The following DAP variants were observed in gnomAD, a reference collection of about 807,000 sequenced individuals.
DAP encodes death-associated protein 1.
DAP carries 8 observed loss-of-function variants against 13.8 expected under a neutral mutation model. The ratio of observed to expected loss-of-function variants is 0.58; its 90% CI spans 0.34 to 1.05. The LOEUF (loss-of-function observed/expected upper bound fraction) is 1.05, where lower values mean the gene tolerates loss of function less well. Among genes scored for constraint, DAP ranks in the 50% least tolerant of loss-of-function variants. The pLI, the probability that DAP is intolerant of heterozygous loss-of-function variation, is 0.03. For missense variants in DAP, 106 were observed against 133.2 expected (o/e 0.80, Z 1.01); for synonymous variants, 47 against 47.5 (o/e 0.99, Z 0.04).
chr5:10,736,762 G>C (rs1050456922), intron 2 of DAP, among the ~76,000 whole-genome samples: 1 of 152,220 alleles, frequency 6.6e-6, no homozygotes, highest in African/African-American at 2.4e-5. Context: ...TCCCAGGGCA[G>C]ATGGGCTATT....
chr5:10,730,039 G>A (rs890548389), intron 2 of DAP, among the ~76,000 whole-genome samples: 7 of 152,220 alleles, frequency 4.6e-5, no homozygotes, highest in Non-Finnish European at 8.8e-5. Flanking sequence ...CTCACAGGCG[G>A]TTTTCTCAGG....
At chr5:10,724,254 T>C (rs1261585820) in intron 2 of DAP, among the ~76,000 whole-genome samples, 3 of 152,250 alleles carry the variant, frequency 2.0e-5, no homozygotes, top group Non-Finnish European at 4.4e-5. Flanking sequence ...TGGAAGGTTC[T>C]TGAGGACTAA....
Position 10,761,184 on chromosome 5 carries a change from G to C in DAP, c.-116C>G, listed in dbSNP as rs1390874628. 4.2e-6 allele frequency: 2 copies of C among 476,200 alleles called. No individual in the cohort carries two copies. The highest frequency in any genetic ancestry group is 4.2e-5 in the African/African-American group (2 of 47,306). The allele number at this position is 476,200 out of a possible 1,614,324, so 29.5% of individuals were successfully genotyped here. A position where few individuals can be genotyped will look rare whatever the true frequency, so the allele number is the denominator to read the frequency against. Reference sequence around the variant, plus strand: ...GAGCGAGCGGGCGGGAGAACGACGCGCGCGCGTGGGGCGCCGGGGCCGCGC... The same window carrying C: ...GAGCGAGCGGGCGGGAGAACGACGCCCGCGCGTGGGGCGCCGGGGCCGCGC... On this transcript the variant is annotated 5_prime_UTR_variant, in exon 1 of 4. Coordinates refer to ENST00000230895, the MANE Select transcript of DAP (RefSeq NM_004394.3).
At chr5:10,683,427 C>T in intron 3 of DAP, 102 bp downstream of exon 3, 1 of 1,114,092 alleles carries the variant, frequency 9.0e-7, no homozygotes. Context: ...AGCAGTGGTG[C>T]TGGGTTATTC....
rs1436399552 is a variant in DAP, at chr5:10,715,036, C to T, written c.153-31465G>A. Among the ~76,000 whole-genome samples the T allele has an allele frequency of 2.0e-5, 3 of 152,148 alleles. No homozygotes were observed. In the East Asian group the frequency reaches 5.8e-4, roughly 29 times the overall value. The stretch of plus-strand genomic sequence containing the variant: ...TGCACTGCTATAGGGCAAAAATGGA[C>T]TAACACATACGAATATACAGATATG... On this transcript the variant is annotated intron_variant, in intron 2 of 3. Coordinates refer to ENST00000230895, the MANE Select transcript of DAP (RefSeq NM_004394.3).
At chr5:10,715,018 C>G (rs1048443343) in intron 2 of DAP, among the ~76,000 whole-genome samples, 1 of 152,092 alleles carries the variant, frequency 6.6e-6, no homozygotes, top group African/African-American at 2.4e-5. Flanking sequence ...ATTTGCACTG[C>G]TATAGGGCAA....
chr5:10,703,772 T>C (rs969147674), intron 2 of DAP, among the ~76,000 whole-genome samples: 2 of 152,158 alleles, frequency 1.3e-5, no homozygotes, highest in African/African-American at 2.4e-5. Flanking sequence ...GCAGCCTGGG[T>C]GTGGGGGGCA....
intron 1 of DAP, among the ~76,000 whole-genome samples, chr5:10,749,105 T>C (rs1227038947): frequency 1.3e-5 from 2 of 152,236 alleles, no homozygotes; most frequent in Admixed American, 1.3e-4. Context: ...GCACTTAGCG[T>C]GTTTTCAAGG....
chr5:10,727,354 C>A (rs1739314842), intron 2 of DAP, among the ~76,000 whole-genome samples: 1 of 152,152 alleles, frequency 6.6e-6, no homozygotes, highest in South Asian at 2.1e-4. Context: ...GCACAGGGGT[C>A]AGCACACCCT....
chr5:10,703,665 C>T (rs1262725433), intron 2 of DAP, among the ~76,000 whole-genome samples: 2 of 152,212 alleles, frequency 1.3e-5, no homozygotes, highest in Non-Finnish European at 2.9e-5. Flanking sequence ...TAATTCATAA[C>T]GGACTGGTAC....
At chr5:10,686,891 C>G (rs959134961) in intron 2 of DAP, among the ~76,000 whole-genome samples, 1 of 152,218 alleles carries the variant, frequency 6.6e-6, no homozygotes. Flanking sequence ...CTAGGACTTA[C>G]ACAGCTAGAG....
chr5:10,701,063 C>G (rs781103498), intron 2 of DAP, among the ~76,000 whole-genome samples: 3 of 152,210 alleles, frequency 2.0e-5, no homozygotes, highest in Non-Finnish European at 1.5e-5. Context: ...AAGAAGCCCA[C>G]AGAGAGGTGA....
chr5:10,729,675 G>A (rs1415872763), intron 2 of DAP, among the ~76,000 whole-genome samples: 3 of 152,174 alleles, frequency 2.0e-5, no homozygotes, highest in Non-Finnish European at 4.4e-5. Context: ...ATTCTGACTA[G>A]CACACCAAAC....
At chr5:10,687,928 T>TTA (rs140341146) in intron 2 of DAP, among the ~76,000 whole-genome samples, 1,651 of 139,418 alleles carry the variant, frequency 0.012, 58 homozygotes, top group African/African-American at 0.042. Context: ...TTTTTTTTTT[T>TTA]ACAGAGGGAG....
In DAP at chr5:10,679,422, A is replaced by G. The variant is rs1433238707; in HGVS notation, c.*1634T>C. ...TCCCTCTGGCTGAAGACTGAGAAGC[A>G]TTAAGGATGCTTCTGGATTTCTGCA... On this transcript the variant is annotated 3_prime_UTR_variant, in exon 4 of 4. Transcript: ENST00000230895. 1 of 152,380 alleles carries G rather than the reference A, an allele frequency of 6.6e-6. No individual in the cohort carries two copies. Among genetic ancestry groups the G allele is most frequent in the Non-Finnish European group, 1.5e-5 (1 of 68,044 alleles). The allele number at this position is 152,380 out of a possible 1,614,324, so 9.4% of individuals were successfully genotyped here.
rs546365840 is a variant in DAP, at chr5:10,710,603, G to A, written c.153-27032C>T. On this transcript the variant is annotated intron_variant, in intron 2 of 3. Coordinates refer to ENST00000230895, the MANE Select transcript of DAP (RefSeq NM_004394.3). ...CTCTGGAGGGTGCAGAGGAAGGCAC[G>A]AGGGTCCACACCAATGGACGGGCTG... Among the ~76,000 whole-genome samples the A allele has an allele frequency of 4.6e-4, 70 of 152,332 alleles. No individual in the cohort carries two copies. In the East Asian group the frequency reaches 0.011, roughly 24 times the overall value.
At chr5:10,692,684 G>A (rs993793670) in intron 2 of DAP, among the ~76,000 whole-genome samples, 2 of 152,018 alleles carry the variant, frequency 1.3e-5, no homozygotes, top group Admixed American at 6.6e-5. Flanking sequence ...AACTGTACGC[G>A]ACACCCCACA....
chr5:10,751,733 A>G (rs900717361), intron 1 of DAP, among the ~76,000 whole-genome samples: 1 of 152,202 alleles, frequency 6.6e-6, no homozygotes, highest in Non-Finnish European at 1.5e-5. Flanking sequence ...TCTCTATAAG[A>G]GAAAGAGACA....
At chr5:10,735,562 C>T (rs921021721) in intron 2 of DAP, among the ~76,000 whole-genome samples, 1 of 152,182 alleles carries the variant, frequency 6.6e-6, no homozygotes, top group Non-Finnish European at 1.5e-5. Flanking sequence ...ATGCAGTGCA[C>T]ATGTATACTT....
Sources: gnomAD v4.1 joint callset for allele counts (sites outside exome capture counted in the v4.1 genomes callset) on GRCh38, gnomAD v4.1.1 for gene constraint, MANE v1.5 for transcripts, NCBI Gene and HGNC (gene_info 2026-07-23, HGNC 2026-07-21) for gene names.